Variants in ANO3 observed in about 807,000 individuals in gnomAD.
The protein encoded by ANO3 is anoctamin-3.
Under a neutral mutation model 144.8 loss-of-function variants are expected in ANO3, and 99 were observed. The observed-to-expected ratio is 0.68, with a 90% CI of 0.58 to 0.81. The LOEUF (loss-of-function observed/expected upper bound fraction) is 0.81, where lower values mean the gene tolerates loss of function less well. Among genes scored for constraint, ANO3 ranks in the 30% least tolerant of loss-of-function variants. The pLI is 0.00. For synonymous variants in ANO3, 414 were observed against 392.6 expected (o/e 1.05, Z -0.64); for missense variants, 905 against 1,202.2 (o/e 0.75, Z 3.66).
At chr11:26,477,831 C>A (rs112851450) in intron 4 of ANO3, among the ~76,000 whole-genome samples, 32 of 152,098 alleles carry the variant, frequency 2.1e-4, no homozygotes, top group African/African-American at 7.2e-4. Context: ...TAAAAATGGG[C>A]AAAATTTTTT....
At chr11:26,272,474 C>G (rs369249317) in intron 1 of ANO3, among the ~76,000 whole-genome samples, 2 of 152,118 alleles carry the variant, frequency 1.3e-5, no homozygotes, top group East Asian at 3.9e-4. Flanking sequence ...ACTGCAGATA[C>G]GGTATAAGAA....
intron 1 of ANO3, among the ~76,000 whole-genome samples, chr11:26,268,637 A>C (rs966525109): frequency 6.6e-6 from 1 of 152,122 alleles, no homozygotes; most frequent in Non-Finnish European, 1.5e-5. Flanking sequence ...TTAAGAGGAG[A>C]TTGCCAGAAC....
At chr11:26,285,088 C>T (rs1054303412) in intron 1 of ANO3, among the ~76,000 whole-genome samples, 38 of 151,010 alleles carry the variant, frequency 2.5e-4, no homozygotes, top group Non-Finnish European at 2.4e-4. Flanking sequence ...GGTTTATTTA[C>T]TGTGTACAAT....
intron 1 of ANO3, among the ~76,000 whole-genome samples, chr11:26,281,013 T>A (rs1462187219): frequency 6.6e-6 from 1 of 152,218 alleles, no homozygotes; most frequent in Non-Finnish European, 1.5e-5. Flanking sequence ...ATCATTGTTT[T>A]ATCCCCTGCA....
intron 14 of ANO3, among the ~76,000 whole-genome samples, chr11:26,576,164 T>C (rs973099599): frequency 3.9e-5 from 6 of 152,132 alleles, no homozygotes; most frequent in Non-Finnish European, 8.8e-5. Flanking sequence ...CACGTCACAG[T>C]TTCTTTGTTT....
At chr11:26,215,659 C>T (rs1274840967) in intron 1 of ANO3, among the ~76,000 whole-genome samples, 1 of 151,910 alleles carries the variant, frequency 6.6e-6, no homozygotes, top group Non-Finnish European at 1.5e-5. Flanking sequence ...ATTTCAGGGT[C>T]TCTCACCTGA....
intron 21 of ANO3, among the ~76,000 whole-genome samples, chr11:26,640,344 C>T (rs1206200116): frequency 6.6e-5 from 10 of 152,178 alleles, no homozygotes; most frequent in Non-Finnish European, 1.3e-4. Flanking sequence ...GAGTTTTATA[C>T]AGACTTAATA....
At chr11:26,462,917 G>GTA (rs908388549) in intron 3 of ANO3, 113 bp from the exon 4 acceptor site, 17 of 445,646 alleles carry the variant, frequency 3.8e-5, no homozygotes, top group African/African-American at 2.3e-4. Flanking sequence ...GTATTTTCTA[G>GTA]TATATATATA....
chr11:26,600,485 C>T (rs1420619992), intron 17 of ANO3, among the ~76,000 whole-genome samples: 1 of 67,200 alleles, frequency 1.5e-5, no homozygotes, highest in African/African-American at 6.2e-5. Context: ...CCCCTCCCCT[C>T]TTCCCCTCCC....
At chr11:26,405,798 C>G (rs1857261928) in intron 1 of ANO3, among the ~76,000 whole-genome samples, 1 of 151,822 alleles carries the variant, frequency 6.6e-6, no homozygotes. Context: ...GATTCTCGGA[C>G]CCTTCCCTGA....
At chr11:26,537,081 G>A in intron 9 of ANO3, among the ~76,000 whole-genome samples, 1 of 141,270 alleles carries the variant, frequency 7.1e-6, no homozygotes, top group East Asian at 2.1e-4. Context: ...GACCAACTTT[G>A]TTATTTGGAG....
At chr11:26,289,616 TTCTATATGTGTGTATATGTAC>T (rs1853898651) in intron 1 of ANO3, among the ~76,000 whole-genome samples, 1 of 95,428 alleles carries the variant, frequency 1.0e-5, no homozygotes, top group Non-Finnish European at 2.0e-5. Flanking sequence ...CACACATATA[TTCTATATGTGTGTATATGTAC>T]ATATACACAC....
intron 11 of ANO3, among the ~76,000 whole-genome samples, chr11:26,546,647 C>T (rs1362515745): frequency 1.3e-5 from 2 of 151,886 alleles, no homozygotes; most frequent in Non-Finnish European, 2.9e-5. Context: ...GTGAAGAAAG[C>T]GCAACTGAGT....
chr11:26,248,630 A>T (rs1590215112), intron 1 of ANO3, among the ~76,000 whole-genome samples: 1 of 152,322 alleles, frequency 6.6e-6, no homozygotes, highest in East Asian at 1.9e-4. Context: ...GAATTGGATT[A>T]TGTATGCAGA....
At chr11:26,329,295 TACACAC>T (rs201501181), upstream of ANO3, among the ~76,000 whole-genome samples, 8 of 145,012 alleles carry the variant, frequency 5.5e-5, no homozygotes, top group East Asian at 4.2e-4. Context: ...TTTCTTTCTT[TACACAC>T]ACACACACAC....
chr11:26,295,182 G>A (rs75201624), intron 1 of ANO3, among the ~76,000 whole-genome samples: 12,875 of 151,946 alleles, frequency 0.085, 787 homozygotes, highest in Admixed American at 0.2. Context: ...CTAGAGGGCT[G>A]GATTACAGGT....
At chr11:26,652,760 C>A (rs1853572642) in intron 24 of ANO3, among the ~76,000 whole-genome samples, 1 of 152,130 alleles carries the variant, frequency 6.6e-6, no homozygotes, top group Non-Finnish European at 1.5e-5. Context: ...TTCTCCAATT[C>A]CCCTTCTCTT....
chr11:26,280,546 GTTC>G (rs1853655323), intron 1 of ANO3, among the ~76,000 whole-genome samples: 1 of 152,120 alleles, frequency 6.6e-6, no homozygotes, highest in Admixed American at 6.6e-5. Flanking sequence ...GTCTTCTCAC[GTTC>G]TTCTGCCTGC....
At chr11:26,531,471 C>A in intron 8 of ANO3, 135 bp downstream of exon 8, 1 of 1,029,092 alleles carries the variant, frequency 9.7e-7, no homozygotes, top group South Asian at 1.9e-5. Flanking sequence ...AAAATACACA[C>A]TTAACTTATA....
Sources: gnomAD v4.1 joint callset for allele counts (sites outside exome capture counted in the v4.1 genomes callset) on GRCh38, gnomAD v4.1.1 for gene constraint, MANE v1.5 for transcripts, NCBI Gene and HGNC (gene_info 2026-07-23, HGNC 2026-07-21) for gene names.